ATL2: variants seen among roughly 807,000 people sequenced by gnomAD.
The protein encoded by ATL2 is atlastin GTPase 2.
In ATL2, 31 loss-of-function variants were observed where a neutral mutation model predicts 73.9. That is an observed-to-expected ratio of 0.42 (90% CI 0.32 to 0.57). The LOEUF (loss-of-function observed/expected upper bound fraction) is 0.57. ATL2 is among the 20% of genes least tolerant of loss of function. The pLI, the probability that ATL2 is intolerant of heterozygous loss-of-function variation, is 0.14. For synonymous variants in ATL2, 291 were observed against 237.5 expected (o/e 1.23, Z -2.07); for missense variants, 738 against 702.6 (o/e 1.05, Z -0.57).
chr2:38,373,853 C>G (rs541722244), intron 1 of ATL2, among the ~76,000 whole-genome samples: 2 of 152,262 alleles, frequency 1.3e-5, no homozygotes, highest in African/African-American at 4.8e-5. Flanking sequence ...AAGTATTATC[C>G]TATTGCCATC....
At chr2:38,315,364 A>G (rs200477169) in intron 4 of ATL2, 30 bp from the exon 5 acceptor site, 1 of 1,493,366 alleles carries the variant, frequency 6.7e-7, no homozygotes, top group African/African-American at 1.5e-5. Context: ...TTTGTTTTTT[A>G]TTAGTGTTTT....
At chr2:38,356,209 T>C (rs1195837612) in intron 1 of ATL2, among the ~76,000 whole-genome samples, 1 of 152,042 alleles carries the variant, frequency 6.6e-6, no homozygotes, top group Non-Finnish European at 1.5e-5. Flanking sequence ...CAGTATTTTT[T>C]ACTTTTCTTT....
intron 2 of ATL2, 79 bp from the exon 3 acceptor site, chr2:38,319,098 T>C (rs1668182392): frequency 6.8e-7 from 1 of 1,461,166 alleles, no homozygotes; most frequent in East Asian, 2.3e-5. Context: ...ATTCTTTATT[T>C]TACAGATGGG....
intron 5 of ATL2, 21 bp from the exon 6 acceptor site, chr2:38,314,685 A>C (rs1339442615): frequency 6.7e-7 from 1 of 1,495,102 alleles, no homozygotes; most frequent in Middle Eastern, 1.8e-4. Flanking sequence ...GAGTTAGTTA[A>C]AATAATGCCT....
chr2:38,315,032 A>G (rs1226073608), intron 5 of ATL2, among the ~76,000 whole-genome samples: 1 of 152,218 alleles, frequency 6.6e-6, no homozygotes, highest in East Asian at 1.9e-4. Flanking sequence ...CGGGCGGATC[A>G]CCCAAGGTTA....
At chr2:38,377,345 G>A, upstream of ATL2, 1 of 1,258,492 alleles carries the variant, frequency 7.9e-7, no homozygotes, top group South Asian at 1.5e-5. Context: ...CGGGGTGGCC[G>A]GCGGGTCCTA....
In ATL2 at chr2:38,318,543, A is replaced by C. The variant is rs766364218; in HGVS notation, c.595T>G (p.Ser199Ala). ...TVFALSTMTS[S>A]VQVYNLSQNI... ...TTAATCTTGTGTCTCACCTGGACAG[A>C]GCTAGTCATAGTGCTCAGAGCAAAC... The change falls in exon 4 of 13, where the codon TCT becomes GCT. Residue 199 changes from serine to alanine, a missense_variant. Ser to Ala is a moderately conservative substitution (Grantham distance 99). Transcript: ENST00000378954. 1.3e-6 allele frequency: 2 copies of C among 1,599,598 alleles called. No individual in the cohort carries two copies. The highest frequency in any genetic ancestry group is 1.7e-6 in the Non-Finnish European group (2 of 1,175,366).
intron 2 of ATL2, among the ~76,000 whole-genome samples, chr2:38,331,986 T>C (rs1669023676): frequency 6.6e-6 from 1 of 152,162 alleles, no homozygotes; most frequent in Admixed American, 6.6e-5. Context: ...AGAATATTAT[T>C]CAGCCATAAA....
chr2:38,337,570 GATT>G (rs1317594370), intron 2 of ATL2, among the ~76,000 whole-genome samples: 1 of 147,052 alleles, frequency 6.8e-6, no homozygotes, highest in Non-Finnish European at 1.5e-5. Flanking sequence ...AATATTAAGG[GATT>G]ATTATTTCTA....
intron 2 of ATL2, among the ~76,000 whole-genome samples, chr2:38,334,102 T>C (rs1669163386): frequency 6.8e-6 from 1 of 146,268 alleles, no homozygotes; most frequent in Non-Finnish European, 1.5e-5. Context: ...TGGTCTCAGC[T>C]CACTGCAACC....
chr2:38,343,249 A>T lies in ATL2; in HGVS notation c.363+19T>A, dbSNP rs1443957425. On this transcript the variant is annotated intron_variant, in intron 2 of 12. Transcript: ENST00000378954. ...TACTTTTTTCTTTTTAATTGGGTTC[A>T]ATTTAAAAGACTATTCACCTTGTTA... 3.2e-6 allele frequency: 5 copies of T among 1,548,712 alleles called. No individual in the cohort carries two copies. The highest frequency in any genetic ancestry group is 2.5e-5 in the South Asian group (2 of 80,330).
chr2:38,314,805 G>T, intron 5 of ATL2, 141 bp from the exon 6 acceptor site: 1 of 566,684 alleles, frequency 1.8e-6, no homozygotes, highest in African/African-American at 1.9e-5. Flanking sequence ...TAACACACTA[G>T]GTATGTACAA....
chr2:38,295,115 G>T lies in ATL2; in HGVS notation c.*879C>A, dbSNP rs898927291. On this transcript the variant is annotated 3_prime_UTR_variant, in exon 13 of 13. Transcript: ENST00000378954. ...GAGCCACAAACATTCCTTTCACAGG[G>T]ACAGTACTTATTTAGCCTACCACAG... 1.3e-5 allele frequency: 2 copies of T among 151,960 alleles called. No homozygotes were observed. Among genetic ancestry groups the T allele is most frequent in the African/African-American group, 4.8e-5 (2 of 41,338 alleles). 9.4% of individuals were successfully genotyped at this position (151,960 alleles called of 1,614,324 possible).
chr2:38,349,308 T>C (rs1415056540), intron 1 of ATL2, among the ~76,000 whole-genome samples: 1 of 151,340 alleles, frequency 6.6e-6, no homozygotes. Context: ...ATTAAGAAAA[T>C]GTGGCACATA....
chr2:38,305,720 A>G (rs1469587679), intron 9 of ATL2, among the ~76,000 whole-genome samples: 1 of 152,260 alleles, frequency 6.6e-6, no homozygotes, highest in East Asian at 1.9e-4. Flanking sequence ...AGAAATAAAC[A>G]CATTCTTGAA....
chr2:38,333,004 C>A (rs769423397), intron 2 of ATL2, among the ~76,000 whole-genome samples: 1 of 151,942 alleles, frequency 6.6e-6, no homozygotes, highest in African/African-American at 2.4e-5. Context: ...ACAGCCTGGG[C>A]AACAGAGTGA....
At chr2:38,365,470 C>T (rs542229703) in intron 1 of ATL2, among the ~76,000 whole-genome samples, 1 of 152,052 alleles carries the variant, frequency 6.6e-6, no homozygotes, top group Non-Finnish European at 1.5e-5. Context: ...GCCTTGGCAA[C>T]ATGGTGAAAC....
chr2:38,334,020 C>A (rs1669154559), intron 2 of ATL2, among the ~76,000 whole-genome samples: 1 of 146,564 alleles, frequency 6.8e-6, no homozygotes, highest in African/African-American at 2.6e-5. Context: ...ACCTCTGTAT[C>A]CAATCCTCTT....
At position 38,309,467 on chromosome 2, in the gene ATL2, AC is replaced by A. The variant is rs1288701873; in HGVS notation, c.982del (p.Val328PhefsTer11). On this transcript the variant is annotated frameshift_variant, in exon 9 of 13. Transcript: ENST00000378954. LOFTEE classifies it high-confidence loss of function. ...ATTTTCAGGGGCAAGCAGCAATGGA[AC>A]CAGATTTCGAAGCTCTCGTTTAAAG... Reference protein sequence around the residue: ...EDFKRELRNLVPLLLAPENLV... With the variant: ...EDFKRELRNLXPLLLAPENLV... 6.2e-7 allele frequency: 1 copy of A among 1,612,694 alleles called. No individual in the cohort carries two copies. Among genetic ancestry groups the A allele is most frequent in the Non-Finnish European group, 8.5e-7 (1 of 1,179,714 alleles).
Sources: allele counts gnomAD v4.1 joint callset (sites outside exome capture counted in the v4.1 genomes callset), GRCh38; gene constraint gnomAD v4.1.1; transcripts MANE v1.5; gene names NCBI Gene and HGNC (gene_info 2026-07-23, HGNC 2026-07-21).